Variants in NBEA observed in about 807,000 individuals in gnomAD.
The protein encoded by NBEA is neurobeachin, also known as lysosomal-trafficking regulator 2.
Under a neutral mutation model 343.4 loss-of-function variants are expected in NBEA, and 44 were observed. The observed-to-expected ratio is 0.13, with a 90% CI of 0.10 to 0.16. The LOEUF (loss-of-function observed/expected upper bound fraction) is 0.16, where lower values mean the gene tolerates loss of function less well. Among genes scored for constraint, NBEA ranks in the 10% least tolerant of loss-of-function variants. The probability of loss-of-function intolerance (pLI) is 1.00; values close to 1 mark genes in which losing one functional copy is unlikely to be tolerated. For synonymous variants in NBEA, 1,175 were observed against 1,238.7 expected, an observed-to-expected ratio of 0.95 and a Z score of 1.08; for missense variants, 2,555 against 3,631.3, an observed-to-expected ratio of 0.70 and a Z score of 7.62.
chr13:35,068,726 A>G (rs2063750627), intron 8 of NBEA, among the ~76,000 whole-genome samples: 2 of 152,232 alleles, frequency 1.3e-5, no homozygotes, highest in South Asian at 4.1e-4. Context: ...GTAAAAACTG[A>G]CATGTTTGGT....
At chr13:35,275,131 AC>A (rs1232262891) in intron 34 of NBEA, among the ~76,000 whole-genome samples, 2 of 152,180 alleles carry the variant, frequency 1.3e-5, no homozygotes, top group East Asian at 3.9e-4. Flanking sequence ...AGTAACCAAA[AC>A]AGCATGGTAC....
chr13:35,155,918 C>A, intron 19 of NBEA, 63 bp downstream of exon 19: 1 of 1,532,344 alleles, frequency 6.5e-7, no homozygotes, highest in South Asian at 1.1e-5. Flanking sequence ...GAGACTAAAT[C>A]AAAACTTTTC....
At chr13:34,981,595 G>T (rs1171750090) in intron 1 of NBEA, among the ~76,000 whole-genome samples, 1 of 152,150 alleles carries the variant, frequency 6.6e-6, no homozygotes, top group African/African-American at 2.4e-5. Context: ...ACAATTTAAG[G>T]ATTTGTGTGT....
intron 39 of NBEA, among the ~76,000 whole-genome samples, chr13:35,445,872 T>C (rs1432904269): frequency 6.7e-6 from 1 of 148,230 alleles, no homozygotes; most frequent in Non-Finnish European, 1.5e-5. Flanking sequence ...AGCGTGCAGG[T>C]TTGTTACATA....
At chr13:35,404,694 G>A (rs2152910474) in intron 38 of NBEA, among the ~76,000 whole-genome samples, 1 of 150,794 alleles carries the variant, frequency 6.6e-6, no homozygotes, top group East Asian at 2.0e-4. Context: ...CATGGCACAT[G>A]TATACATATG....
intron 36 of NBEA, among the ~76,000 whole-genome samples, chr13:35,319,540 A>C (rs1364435146): frequency 2.0e-5 from 3 of 152,172 alleles, no homozygotes; most frequent in Non-Finnish European, 4.4e-5. Flanking sequence ...GAATAAGTGC[A>C]GTGTGGTGCT....
intron 40 of NBEA, among the ~76,000 whole-genome samples, chr13:35,467,891 T>G (rs1594736707): frequency 6.6e-6 from 1 of 152,348 alleles, no homozygotes; most frequent in East Asian, 1.9e-4. Context: ...CATTATAATT[T>G]TATGTACCCT....
chr13:35,111,238 C>T, intron 13 of NBEA, among the ~76,000 whole-genome samples: 1 of 151,988 alleles, frequency 6.6e-6, no homozygotes, highest in South Asian at 2.1e-4. Context: ...CAGGAAGATA[C>T]ATTCATAATA....
intron 1 of NBEA, among the ~76,000 whole-genome samples, chr13:34,946,732 G>A (rs1356239348): frequency 1.4e-5 from 2 of 148,078 alleles, no homozygotes; most frequent in Non-Finnish European, 3.0e-5. Flanking sequence ...TAAGTGGCAT[G>A]CTGTTGGCTG....
Position 35,264,651 on chromosome 13 carries a change from A to G in NBEA, c.5777-25738A>G, listed in dbSNP as rs77149470. Among the ~76,000 whole-genome samples, 21 of 152,102 alleles carry G rather than the reference A, an allele frequency of 1.4e-4. No homozygotes were observed. The East Asian group carries it at 1.7e-3, about 13-fold the overall frequency. ...TAACAGATTGAAAGACAAAAACCAT[A>G]TGATCATTTGAATAGATGAAGAAAA... On this transcript the variant is annotated intron_variant, in intron 34 of 58. Coordinates refer to ENST00000379939, the MANE Select transcript of NBEA (RefSeq NM_001385012.1).
At chr13:35,596,178 G>T (rs966186318) in intron 47 of NBEA, among the ~76,000 whole-genome samples, 36 of 151,964 alleles carry the variant, frequency 2.4e-4, no homozygotes, top group African/African-American at 8.0e-4. Flanking sequence ...AGAATTTGAG[G>T]TCCTCATGAC....
At chr13:35,206,158 G>T (rs1593743410) in intron 31 of NBEA, among the ~76,000 whole-genome samples, 1 of 152,040 alleles carries the variant, frequency 6.6e-6, no homozygotes, top group East Asian at 1.9e-4. Flanking sequence ...GGGATTTAGA[G>T]ATTTTTTTTC....
At chr13:35,302,559 G>T (rs977311071) in intron 35 of NBEA, among the ~76,000 whole-genome samples, 5 of 152,114 alleles carry the variant, frequency 3.3e-5, no homozygotes, top group African/African-American at 1.2e-4. Context: ...AACTGTTCTT[G>T]TGCCCCAGCC....
intron 10 of NBEA, among the ~76,000 whole-genome samples, chr13:35,084,269 A>G (rs2064601549): frequency 6.6e-6 from 1 of 152,330 alleles, no homozygotes. Context: ...TCAGCAGACT[A>G]TACATTCTTT....
At chr13:35,217,379 T>C (rs1193511881) in intron 33 of NBEA, among the ~76,000 whole-genome samples, 1 of 152,006 alleles carries the variant, frequency 6.6e-6, no homozygotes, top group Non-Finnish European at 1.5e-5. Context: ...TTTTTTAATC[T>C]GGCTTGTCAG....
chr13:35,315,398 T>C (rs1182176478), intron 36 of NBEA, among the ~76,000 whole-genome samples: 4 of 152,174 alleles, frequency 2.6e-5, no homozygotes, highest in Non-Finnish European at 5.9e-5. Flanking sequence ...ACAAAGGATC[T>C]TTATAATTAA....
At chr13:35,546,186 A>T (rs959769978) in intron 41 of NBEA, among the ~76,000 whole-genome samples, 1 of 152,214 alleles carries the variant, frequency 6.6e-6, no homozygotes, top group African/African-American at 2.4e-5. Context: ...CAAGTAAGAA[A>T]ATTAATCATT....
At chr13:35,544,729 T>C (rs1434335592) in intron 41 of NBEA, among the ~76,000 whole-genome samples, 2 of 152,220 alleles carry the variant, frequency 1.3e-5, no homozygotes, top group East Asian at 3.8e-4. Flanking sequence ...TTCACTTCTT[T>C]TGGATATTAA....
At chr13:34,944,694 CTGTT>C (rs2059135703) in intron 1 of NBEA, among the ~76,000 whole-genome samples, 1 of 152,074 alleles carries the variant, frequency 6.6e-6, no homozygotes, top group Admixed American at 6.5e-5. Flanking sequence ...AAATCTCAAA[CTGTT>C]AGTATGTTAG....
Sources: allele counts gnomAD v4.1 joint callset (sites outside exome capture counted in the v4.1 genomes callset), GRCh38; gene constraint gnomAD v4.1.1; transcripts MANE v1.5; gene names NCBI Gene and HGNC (gene_info 2026-07-23, HGNC 2026-07-21).